Variants in WLS observed in about 807,000 individuals in gnomAD.
WLS encodes Wnt ligand secretion mediator.
In WLS, 23 loss-of-function variants were observed where a neutral mutation model predicts 62.8. The observed-to-expected ratio is 0.37, with a 90% confidence interval of 0.26 to 0.52. WLS has a LOEUF of 0.52. Among genes scored for constraint, WLS ranks in the 20% least tolerant of loss-of-function variants. The pLI, the probability that WLS is intolerant of heterozygous loss-of-function variation, is 0.92. For missense variants in WLS, 615 were observed against 697.3 expected (o/e 0.88, Z 1.33); for synonymous variants, 246 against 244.1 (o/e 1.01, Z -0.07).
chr1:68,160,156 T>G (rs145788271), intron 2 of WLS, among the ~76,000 whole-genome samples: 5 of 145,258 alleles, frequency 3.4e-5, no homozygotes, highest in Admixed American at 2.8e-4. Flanking sequence ...AGTTCTTAAC[T>G]CATGGGACTA....
intron 11 of WLS, among the ~76,000 whole-genome samples, chr1:68,128,118 G>A (rs1475220429): frequency 6.6e-6 from 1 of 152,140 alleles, no homozygotes; most frequent in Admixed American, 6.5e-5. Flanking sequence ...CAGGACTATG[G>A]GTAGAGAAGG....
In WLS at chr1:68,137,773, A is replaced by G. The variant is rs1003649495; in HGVS notation, c.1516+7T>C. ...ACTTAAGCTGTTCTAAAGAGACAGA[A>G]ACTCACCATTGGACTGGTCTTCTCC... On this transcript the variant is annotated splice_region_variant and intron_variant, in intron 11 of 11. Coordinates refer to ENST00000262348, the MANE Select transcript of WLS (RefSeq NM_024911.7). 15 of 1,613,110 alleles carry G rather than the reference A, an allele frequency of 9.3e-6. No homozygotes were observed. Among genetic ancestry groups the G allele is most frequent in the Non-Finnish European group, 1.0e-5 (12 of 1,179,570 alleles).
chr1:68,232,222 G>A lies in WLS; in HGVS notation c.78C>T (p.Ile26=). ...IVGGILLVFQ[I]IAFLVGGLIA... ...TCAAGCCTCCCACCAGAAAGGCGAT[G>A]ATTTGGAACACGAGCAGAATCCCAC... The change falls in exon 1 of 12, where the codon ATC becomes ATT. Residue 26 remains isoleucine (I), a synonymous_variant. Coordinates refer to ENST00000262348, the MANE Select transcript of WLS (RefSeq NM_024911.7). 1 of 1,614,166 alleles carries A rather than the reference G, an allele frequency of 6.2e-7. No individual in the cohort carries two copies.
At chr1:68,210,569 C>T (rs1350455553) in intron 1 of WLS, among the ~76,000 whole-genome samples, 1 of 152,138 alleles carries the variant, frequency 6.6e-6, no homozygotes, top group African/African-American at 2.4e-5. Flanking sequence ...ATAGAAAGAT[C>T]CTAACAGGAA....
chr1:68,124,328 A>G (rs762828166), downstream of WLS, among the ~76,000 whole-genome samples: 4 of 152,150 alleles, frequency 2.6e-5, no homozygotes, highest in East Asian at 3.9e-4. Context: ...ACCCTTCTCC[A>G]TCTGGCTCAC....
chr1:68,113,089 C>T (rs1375272116), intron 11 of WLS, among the ~76,000 whole-genome samples: 1 of 152,184 alleles, frequency 6.6e-6, no homozygotes, highest in Non-Finnish European at 1.5e-5. Context: ...GCTCCTTAGT[C>T]CCACCACAGG....
At chr1:68,159,975 C>T (rs1279854673) in intron 2 of WLS, among the ~76,000 whole-genome samples, 1 of 151,654 alleles carries the variant, frequency 6.6e-6, no homozygotes, top group Non-Finnish European at 1.5e-5. Context: ...TTAAACTCAC[C>T]ACAGAACTCA....
chr1:68,197,474 A>G (rs952858970), intron 1 of WLS, among the ~76,000 whole-genome samples: 2 of 152,188 alleles, frequency 1.3e-5, no homozygotes, highest in Non-Finnish European at 2.9e-5. Context: ...CCATAACTTC[A>G]AAACCTGAAG....
intron 1 of WLS, among the ~76,000 whole-genome samples, chr1:68,208,282 C>G (rs1186042677): frequency 6.6e-6 from 1 of 152,158 alleles, no homozygotes; most frequent in Admixed American, 6.5e-5. Context: ...TGGGTATTTG[C>G]TACCCTTTCC....
intron 3 of WLS, 41 bp downstream of exon 3, chr1:68,159,082 A>T: frequency 6.2e-7 from 1 of 1,610,698 alleles, no homozygotes; most frequent in Non-Finnish European, 8.5e-7. Flanking sequence ...ATACCTGAGA[A>T]CCAAATAAAA....
chr1:68,132,413 G>A (rs1458023177), intron 11 of WLS, among the ~76,000 whole-genome samples: 1 of 152,154 alleles, frequency 6.6e-6, no homozygotes, highest in Non-Finnish European at 1.5e-5. Context: ...GTACAATCAG[G>A]GAGATGGCGT....
intron 10 of WLS, among the ~76,000 whole-genome samples, chr1:68,141,970 C>T (rs957958888): frequency 2.0e-5 from 3 of 152,236 alleles, no homozygotes; most frequent in Non-Finnish European, 4.4e-5. Flanking sequence ...CACTCCGGGC[C>T]GACTGTCGCA....
chr1:68,219,002 T>C (rs975684110), intron 1 of WLS, among the ~76,000 whole-genome samples: 2 of 152,138 alleles, frequency 1.3e-5, no homozygotes, highest in African/African-American at 4.8e-5. Flanking sequence ...GCAAACTATG[T>C]GGCTCTTCTA....
intron 1 of WLS, among the ~76,000 whole-genome samples, chr1:68,225,099 G>A (rs890848216): frequency 2.6e-5 from 4 of 151,634 alleles, no homozygotes; most frequent in African/African-American, 2.4e-5. Context: ...CATGTGAAAC[G>A]CTTTCCATAG....
intron 5 of WLS, 104 bp from the exon 6 acceptor site, chr1:68,150,460 G>T (rs1646811219): frequency 6.9e-7 from 1 of 1,452,808 alleles, no homozygotes; most frequent in Non-Finnish European, 9.4e-7. Context: ...TTACTTATTG[G>T]GTCTGAAGCC....
chr1:68,125,991 G>T lies in WLS; in HGVS notation c.*235C>A. On this transcript the variant is annotated 3_prime_UTR_variant, in exon 12 of 12. Transcript: ENST00000262348. ...CTAATTAACAATGATCACAGAAAATGTGTCATACCAGAGTTTTTGTTATCA... is the reference window on the plus strand; with the variant it reads ...CTAATTAACAATGATCACAGAAAATTTGTCATACCAGAGTTTTTGTTATCA... 16 of 1,272,282 alleles carry T rather than the reference G, an allele frequency of 1.3e-5. No individual in the cohort carries two copies. Among genetic ancestry groups the T allele is most frequent in the Middle Eastern group, 3.1e-4 (1 of 3,230 alleles). 78.8% of individuals were successfully genotyped at this position (1,272,282 alleles called of 1,614,324 possible). A position where few individuals can be genotyped will look rare whatever the true frequency, so the allele number is the denominator to read the frequency against.
At chr1:68,142,374 C>T (rs1405223292) in intron 10 of WLS, among the ~76,000 whole-genome samples, 2 of 152,182 alleles carry the variant, frequency 1.3e-5, no homozygotes, top group Non-Finnish European at 2.9e-5. Context: ...CTTGAGATGC[C>T]GTTTCTCCAA....
chr1:68,162,359 G>C (rs2100509567), intron 2 of WLS: 1 of 1,613,976 alleles, frequency 6.2e-7, no homozygotes, highest in South Asian at 1.1e-5. Flanking sequence ...TGTTCGTTGA[G>C]ATTGCAGTGC....
chr1:68,101,185 A>C (rs919408383), intron 11 of WLS, among the ~76,000 whole-genome samples: 1 of 152,204 alleles, frequency 6.6e-6, no homozygotes, highest in Admixed American at 6.5e-5. Flanking sequence ...TTCAGTTAAC[A>C]GTAACATGGG....
Sources: gnomAD v4.1 joint callset for allele counts (sites outside exome capture counted in the v4.1 genomes callset) on GRCh38, gnomAD v4.1.1 for gene constraint, MANE v1.5 for transcripts, NCBI Gene and HGNC (gene_info 2026-07-23, HGNC 2026-07-21) for gene names.